RTN1: variants seen among roughly 807,000 people sequenced by gnomAD.
The protein encoded by RTN1 is reticulon 1.
In RTN1, 25 loss-of-function variants were observed where a neutral mutation model predicts 65.5. The ratio of observed to expected loss-of-function variants is 0.38; its 90% confidence interval spans 0.28 to 0.53. The LOEUF (loss-of-function observed/expected upper bound fraction) is 0.53. RTN1 is among the 20% of genes least tolerant of loss of function. The probability of loss-of-function intolerance (pLI) is 0.79; values close to 1 mark genes in which losing one functional copy is unlikely to be tolerated. For synonymous variants in RTN1, 471 were observed against 447.6 expected (o/e 1.05, Z -0.66); for missense variants, 983 against 1,025.4 (o/e 0.96, Z 0.57).
intron 3 of RTN1, among the ~76,000 whole-genome samples, chr14:59,723,183 A>G (rs114049241): frequency 2.6e-5 from 4 of 152,136 alleles, no homozygotes; most frequent in African/African-American, 9.7e-5. Context: ...CGTTTTAAGG[A>G]CTGATCAGCA....
intron 1 of RTN1, among the ~76,000 whole-genome samples, chr14:59,798,968 G>C (rs1820309636): frequency 6.6e-6 from 1 of 152,126 alleles, no homozygotes; most frequent in South Asian, 2.1e-4. Context: ...GATTTGCTAA[G>C]ATCTCTTGAA....
At chr14:59,777,046 C>G (rs1858885547) in intron 1 of RTN1, among the ~76,000 whole-genome samples, 1 of 152,122 alleles carries the variant, frequency 6.6e-6, no homozygotes, top group African/African-American at 2.4e-5. Context: ...GTGACATGTC[C>G]CTCACCTAGG....
At chr14:59,732,956 C>G (rs1198704665) in intron 2 of RTN1, among the ~76,000 whole-genome samples, 1 of 152,112 alleles carries the variant, frequency 6.6e-6, no homozygotes, top group Non-Finnish European at 1.5e-5. Context: ...GGGTCACCAT[C>G]TCTGCTGTTT....
At chr14:59,782,655 G>T (rs943057581) in intron 1 of RTN1, among the ~76,000 whole-genome samples, 1 of 152,132 alleles carries the variant, frequency 6.6e-6, no homozygotes, top group Non-Finnish European at 1.5e-5. Context: ...AATGGATAGG[G>T]TAGAACAATG....
chr14:59,742,463 A>T (rs934853839), intron 2 of RTN1, among the ~76,000 whole-genome samples: 6 of 152,166 alleles, frequency 3.9e-5, no homozygotes, highest in African/African-American at 1.4e-4. Flanking sequence ...CAGCTATAAC[A>T]ATTCTCACCT....
chr14:59,696,133 C>T (rs1884058495), intron 3 of RTN1, among the ~76,000 whole-genome samples: 1 of 152,164 alleles, frequency 6.6e-6, no homozygotes, highest in Non-Finnish European at 1.5e-5. Flanking sequence ...CCGGCTAAGT[C>T]TTAAACCTCT....
intron 3 of RTN1, among the ~76,000 whole-genome samples, chr14:59,724,936 G>A (rs559256143): frequency 3.5e-4 from 54 of 152,222 alleles, no homozygotes; most frequent in Middle Eastern, 6.8e-3. Context: ...GAGTTTCAGT[G>A]GGAGACTAGA....
intron 1 of RTN1, among the ~76,000 whole-genome samples, chr14:59,858,884 T>C (rs1231597768): frequency 6.6e-6 from 1 of 152,170 alleles, no homozygotes; most frequent in Admixed American, 6.5e-5. Flanking sequence ...ATGAAGAAGA[T>C]AATTCAGCAA....
chr14:59,862,953 C>A (rs1425202087), intron 1 of RTN1, among the ~76,000 whole-genome samples: 1 of 152,152 alleles, frequency 6.6e-6, no homozygotes. Context: ...TGGAAAACTT[C>A]CACCTGTTCT....
Position 59,870,465 on chromosome 14 carries a change from G to T in RTN1, c.166C>A (p.Arg56=), listed in dbSNP as rs752588990. The T allele has an allele frequency of 6.7e-7, 1 of 1,484,470 alleles. No homozygotes were observed. The highest frequency in any genetic ancestry group is 1.3e-5 in the South Asian group (1 of 78,204). 92.0% of individuals were successfully genotyped at this position (1,484,470 alleles called of 1,614,324 possible). The change falls in exon 1 of 9, where the codon CGG becomes AGG. Residue 56 remains arginine (R), a synonymous_variant. Coordinates refer to ENST00000267484, the MANE Select transcript of RTN1 (RefSeq NM_021136.3). The surrounding 1 kb of genome is among the most constrained non-coding windows in gnomAD (Gnocchi z 5.1). ...EPSPGLGARA[R]EAASREAGSG... ...CCGGCTTCCCGCGACGCCGCTTCCC[G>T]GGCCCTGGCGCCCAACCCCGGGCTG...
chr14:59,654,257 C>T lies in RTN1; in HGVS notation c.1766-46765G>A, dbSNP rs1455482304. Among the ~76,000 whole-genome samples the T allele has an allele frequency of 2.0e-5, 3 of 151,982 alleles. No individual in the cohort carries two copies. In the East Asian group the frequency reaches 5.8e-4, roughly 29 times the overall value. ...CCTGGCCAATGTGGCGAAACCCCGT[C>T]TCTACTAAAAATACAAAAAAACAAG... is the stretch of plus-strand genomic sequence containing the variant. On this transcript the variant is annotated intron_variant, in intron 3 of 8. Coordinates refer to ENST00000267484, the MANE Select transcript of RTN1 (RefSeq NM_021136.3).
chr14:59,620,373 CA>C (rs1882223237), intron 3 of RTN1, among the ~76,000 whole-genome samples: 1 of 152,104 alleles, frequency 6.6e-6, no homozygotes, highest in African/African-American at 2.4e-5. Flanking sequence ...TTGTCCAATA[CA>C]GTAGCAATGA....
chr14:59,736,484 G>A (rs1320722429), intron 2 of RTN1, among the ~76,000 whole-genome samples: 1 of 152,004 alleles, frequency 6.6e-6, no homozygotes, highest in Non-Finnish European at 1.5e-5. Flanking sequence ...GGAAGAAACT[G>A]AATCCCTAAA....
In RTN1 at chr14:59,774,312, G is replaced by A. The variant is rs771034962; in HGVS notation, c.242-27831C>T. ...ATTCCATTTGTAAGAACATGGACTC[G>A]ACTCTGAATTAAAGTGTAAAAATGA... On this transcript the variant is annotated intron_variant, in intron 1 of 8. Coordinates refer to ENST00000267484, the MANE Select transcript of RTN1 (RefSeq NM_021136.3). The surrounding 1 kb of genome is among the most constrained non-coding windows in gnomAD (Gnocchi z 5.1). 6.6e-6 allele frequency among the ~76,000 whole-genome samples: 1 copy of A among 152,084 alleles called. No homozygotes were observed. The highest frequency in any genetic ancestry group is 2.4e-5 in the African/African-American group (1 of 41,416).
intron 1 of RTN1, among the ~76,000 whole-genome samples, chr14:59,830,908 A>G (rs1887113908): frequency 6.6e-6 from 1 of 152,236 alleles, no homozygotes; most frequent in Admixed American, 6.5e-5. Flanking sequence ...TAAGAGGAAG[A>G]CAGAGAAGCA....
At chr14:59,780,441 T>C (rs1295814502) in intron 1 of RTN1, among the ~76,000 whole-genome samples, 1 of 152,142 alleles carries the variant, frequency 6.6e-6, no homozygotes, top group Non-Finnish European at 1.5e-5. Flanking sequence ...GAGAGGATGC[T>C]AGAGAAAAGA....
chr14:59,794,417 G>A lies in RTN1; in HGVS notation c.242-47936C>T, dbSNP rs756969399. On this transcript the variant is annotated intron_variant, in intron 1 of 8. Transcript: ENST00000267484. This position sits in a 1 kb window ranked among gnomAD's most constrained non-coding sequence, Gnocchi z 5.1. ...CTGGATCAAATCACCTCCAAAGCCTGTCTACGTCTAGAATTTTCAGTTTCA... is the reference window on the plus strand; with the variant it reads ...CTGGATCAAATCACCTCCAAAGCCTATCTACGTCTAGAATTTTCAGTTTCA... 6.6e-6 allele frequency among the ~76,000 whole-genome samples: 1 copy of A among 152,148 alleles called. No individual in the cohort carries two copies. The highest frequency in any genetic ancestry group is 1.5e-5 in the Non-Finnish European group (1 of 68,024).
intron 1 of RTN1, among the ~76,000 whole-genome samples, chr14:59,748,877 C>T (rs1164376659): frequency 6.6e-6 from 1 of 151,872 alleles, no homozygotes; most frequent in East Asian, 1.9e-4. Flanking sequence ...GCAACCTCTG[C>T]CTCCCAGGTT....
At position 59,805,491 on chromosome 14, in the gene RTN1, C is replaced by T. The variant is rs2139605925; in HGVS notation, c.242-59010G>A. ...ATTCTGATTGGAACTGAACCACTGACATGGCAGCCCACTTGTCCAAGGCCC... is the reference window on the plus strand; with the variant it reads ...ATTCTGATTGGAACTGAACCACTGATATGGCAGCCCACTTGTCCAAGGCCC... On this transcript the variant is annotated intron_variant, in intron 1 of 8. Coordinates refer to ENST00000267484, the MANE Select transcript of RTN1 (RefSeq NM_021136.3). Among the ~76,000 whole-genome samples, 3 of 152,278 alleles carry T rather than the reference C, an allele frequency of 2.0e-5. 1 individual carries two copies. In the East Asian group the frequency reaches 5.8e-4, roughly 29 times the overall value.
Sources: allele counts gnomAD v4.1 joint callset (sites outside exome capture counted in the v4.1 genomes callset), GRCh38; gene constraint gnomAD v4.1.1; non-coding constraint Gnocchi (gnomAD v3.1); transcripts MANE v1.5; gene names NCBI Gene and HGNC (gene_info 2026-07-23, HGNC 2026-07-21).